Variants in PDE4B observed in about 807,000 individuals in gnomAD.
The protein encoded by PDE4B is phosphodiesterase 4B.
A neutral mutation model predicts 82.2 loss-of-function variants in PDE4B; 20 were observed. The ratio of observed to expected loss-of-function variants is 0.24; its 90% CI spans 0.17 to 0.35. The LOEUF is 0.35. Ranked by LOEUF, PDE4B falls within the 10% of genes least tolerant of loss-of-function variation. The probability of loss-of-function intolerance (pLI) is 1.00; values close to 1 mark genes in which losing one functional copy is unlikely to be tolerated. For synonymous variants in PDE4B, 320 were observed against 318.9 expected, an observed-to-expected ratio of 1.00 and a Z score of -0.04; for missense variants, 655 against 907.2, an observed-to-expected ratio of 0.72 and a Z score of 3.57.
At chr1:65,824,135 A>G (rs946167962) in intron 1 of PDE4B, among the ~76,000 whole-genome samples, 1 of 152,180 alleles carries the variant, frequency 6.6e-6, no homozygotes, top group Admixed American at 6.5e-5. Context: ...ATAGAACCCA[A>G]GTCTCAGGAT....
intron 8 of PDE4B, among the ~76,000 whole-genome samples, chr1:66,352,813 C>T (rs956392542): frequency 6.6e-6 from 1 of 152,060 alleles, no homozygotes; most frequent in Non-Finnish European, 1.5e-5. Context: ...CATTATTGAA[C>T]TACTACAAAC....
intron 1 of PDE4B, among the ~76,000 whole-genome samples, chr1:65,904,433 A>T (rs17417079): frequency 0.17 from 26,130 of 152,158 alleles, 2,865 homozygotes; most frequent in South Asian, 0.24. Flanking sequence ...AGTTTTATAC[A>T]CACAATTTAC....
chr1:65,892,036 G>T (rs1646857997), intron 1 of PDE4B, among the ~76,000 whole-genome samples: 1 of 151,970 alleles, frequency 6.6e-6, no homozygotes, highest in Non-Finnish European at 1.5e-5. Context: ...ATCAACTTCT[G>T]CCTTGATGTA....
chr1:66,302,803 C>T (rs911762861), intron 7 of PDE4B, among the ~76,000 whole-genome samples: 8 of 152,102 alleles, frequency 5.3e-5, no homozygotes, highest in African/African-American at 1.2e-4. Context: ...CTGAGATGAT[C>T]GACAATTAAT....
chr1:66,048,572 A>G (rs1654842341), intron 3 of PDE4B, among the ~76,000 whole-genome samples: 1 of 151,906 alleles, frequency 6.6e-6, no homozygotes, highest in Non-Finnish European at 1.5e-5. Flanking sequence ...GAAATAAACC[A>G]CGGAACTTGT....
rs1357462179 is a variant in PDE4B at position 66,314,046 on chromosome 1, T to TC, written c.635-18461dup. Among the ~76,000 whole-genome samples, 5 of 152,318 alleles carry TC rather than the reference T, an allele frequency of 3.3e-5. No individual in the cohort carries two copies. In the South Asian group the frequency reaches 1.0e-3, roughly 32 times the overall value. On this transcript the variant is annotated intron_variant, in intron 7 of 16. Coordinates refer to ENST00000341517, the MANE Select transcript of PDE4B (RefSeq NM_002600.4). ...TTTGTGACAATTTTGGACACAATTGTCACCCTTTGTGATGATTTTGGAAAC... is the reference window on the plus strand; with the variant it reads ...TTTGTGACAATTTTGGACACAATTGTCCACCCTTTGTGATGATTTTGGAAAC...
chr1:65,895,122 G>A (rs1646894721), intron 1 of PDE4B, among the ~76,000 whole-genome samples: 1 of 152,046 alleles, frequency 6.6e-6, no homozygotes. Context: ...GTGAGGGGAT[G>A]GAATTTATCA....
At chr1:66,040,370 G>T (rs1210840387) in intron 3 of PDE4B, among the ~76,000 whole-genome samples, 1 of 152,032 alleles carries the variant, frequency 6.6e-6, no homozygotes, top group Non-Finnish European at 1.5e-5. Flanking sequence ...TCACCAGGAA[G>T]AAGGGGGCTG....
intron 1 of PDE4B, among the ~76,000 whole-genome samples, chr1:65,860,480 T>C (rs867549249): frequency 2.0e-5 from 3 of 152,246 alleles, no homozygotes; most frequent in Non-Finnish European, 4.4e-5. Flanking sequence ...AAGTCTTTGC[T>C]ATTGTGAACA....
chr1:65,971,004 G>A (rs1215933680), intron 3 of PDE4B, among the ~76,000 whole-genome samples: 1 of 150,840 alleles, frequency 6.6e-6, no homozygotes, highest in African/African-American at 2.4e-5. Flanking sequence ...AGAGCTTCTG[G>A]AGAGGCATTA....
intron 2 of PDE4B, among the ~76,000 whole-genome samples, chr1:65,918,112 T>C (rs1309733201): frequency 6.6e-6 from 1 of 152,106 alleles, no homozygotes; most frequent in Non-Finnish European, 1.5e-5. Flanking sequence ...TGCAGTGAGC[T>C]GAGATCACTC....
chr1:65,862,599 GT>G (rs1646466545), intron 1 of PDE4B, among the ~76,000 whole-genome samples: 2 of 152,116 alleles, frequency 1.3e-5, no homozygotes, highest in Admixed American at 6.5e-5. Flanking sequence ...TTTTTTTGTT[GT>G]TTGGAATAGT....
At chr1:65,981,761 A>C (rs1170878909) in intron 3 of PDE4B, among the ~76,000 whole-genome samples, 2 of 152,152 alleles carry the variant, frequency 1.3e-5, no homozygotes, top group East Asian at 3.8e-4. Flanking sequence ...ATATAAAATT[A>C]ACTAGTACAT....
intron 6 of PDE4B, among the ~76,000 whole-genome samples, chr1:66,262,245 G>A (rs1654735805): frequency 1.3e-5 from 2 of 152,208 alleles, no homozygotes; most frequent in Admixed American, 1.3e-4. Context: ...AATGAACCTA[G>A]CCAAATTTCC....
chr1:65,998,408 C>T (rs949479226), intron 3 of PDE4B, among the ~76,000 whole-genome samples: 1 of 151,210 alleles, frequency 6.6e-6, no homozygotes, highest in African/African-American at 2.4e-5. Context: ...TTTAGCCCAT[C>T]CATTCTCGGT....
intron 3 of PDE4B, among the ~76,000 whole-genome samples, chr1:65,949,080 C>G (rs1648861375): frequency 6.6e-6 from 1 of 152,064 alleles, no homozygotes; most frequent in Admixed American, 6.6e-5. Context: ...TTATAGCCTT[C>G]TGTCCACCGC....
At chr1:66,181,954 AC>A (rs1331086194) in intron 3 of PDE4B, among the ~76,000 whole-genome samples, 1 of 152,082 alleles carries the variant, frequency 6.6e-6, no homozygotes, top group Non-Finnish European at 1.5e-5. Flanking sequence ...TAGAGCAAAG[AC>A]CTTTACTTTA....
chr1:65,984,028 A>G (rs1650825572), intron 3 of PDE4B, among the ~76,000 whole-genome samples: 1 of 152,186 alleles, frequency 6.6e-6, no homozygotes, highest in Admixed American at 6.5e-5. Flanking sequence ...AAACCTGTAC[A>G]CGGATGTTTA....
chr1:66,212,480 G>A (rs34344670), intron 3 of PDE4B, among the ~76,000 whole-genome samples: 74,055 of 151,910 alleles, frequency 0.49, 19,149 homozygotes, highest in South Asian at 0.63. Flanking sequence ...ACATTCTCCA[G>A]GAGGCCTAGC....
Sources: allele counts gnomAD v4.1 joint callset (sites outside exome capture counted in the v4.1 genomes callset), GRCh38; gene constraint gnomAD v4.1.1; transcripts MANE v1.5; gene names NCBI Gene and HGNC (gene_info 2026-07-23, HGNC 2026-07-21).